GRPEL1: variants seen among roughly 807,000 people sequenced by gnomAD.
GRPEL1 encodes grpE protein homolog 1, mitochondrial.
In GRPEL1, 13 loss-of-function variants were observed where a neutral mutation model predicts 22.1. The observed-to-expected ratio is 0.59, with a 90% CI of 0.38 to 0.94. The LOEUF is 0.94. Among genes scored for constraint, GRPEL1 ranks in the 40% least tolerant of loss-of-function variants. The probability of loss-of-function intolerance (pLI) is 0.00; values close to 1 mark genes in which losing one functional copy is unlikely to be tolerated. For missense variants in GRPEL1, 289 were observed against 264.6 expected (o/e 1.09, Z -0.64); for synonymous variants, 109 against 105.3 (o/e 1.03, Z -0.21).
intron 1 of GRPEL1, chr4:7,064,464 A>T (rs1006422181): frequency 8.1e-5 from 26 of 321,194 alleles, no homozygotes; most frequent in African/African-American, 5.1e-4. Context: ...ACATATATAT[A>T]TTTTTTTAGA....
intron 2 of GRPEL1, among the ~76,000 whole-genome samples, chr4:7,062,868 C>T (rs750534621): frequency 2.9e-4 from 44 of 152,088 alleles, no homozygotes; most frequent in African/African-American, 9.9e-4. Context: ...GATTGGAAAA[C>T]GGCTGTGTAA....
rs150831240 is a variant in GRPEL1, at chr4:7,063,395, C to G, written c.225+666G>C. On this transcript the variant is annotated intron_variant, in intron 2 of 3. Transcript: ENST00000264954. ...GCCACTGCGCCCAGCTAGCTTTTCT[C>G]TTTTTAACATTTACTAAGTTGCTCT... Among the ~76,000 whole-genome samples, 1,472 of 152,284 alleles carry G rather than the reference C, an allele frequency of 9.7e-3. 11 individuals carry two copies. The highest frequency in any genetic ancestry group is 0.037 in the Middle Eastern group (11 of 294).
chr4:7,065,714 A>G (rs184299875), intron 1 of GRPEL1, among the ~76,000 whole-genome samples: 2 of 152,262 alleles, frequency 1.3e-5, no homozygotes, highest in African/African-American at 4.8e-5. Context: ...CTGCTTGGAC[A>G]AAGGCATGAA....
chr4:7,066,713 C>G (rs1173992160), intron 1 of GRPEL1, among the ~76,000 whole-genome samples: 1 of 152,202 alleles, frequency 6.6e-6, no homozygotes, highest in Non-Finnish European at 1.5e-5. Flanking sequence ...TTCCGAAGCA[C>G]AGCCAACACA....
intron 2 of GRPEL1, 40 bp from the exon 3 acceptor site, chr4:7,062,506 A>T (rs1414860075): frequency 5.1e-6 from 3 of 588,938 alleles, no homozygotes; most frequent in Non-Finnish European, 2.4e-6. Context: ...ATATATATAT[A>T]TATATATATC....
chr4:7,067,857 G>T, intron 1 of GRPEL1, 114 bp downstream of exon 1: 1 of 1,100,756 alleles, frequency 9.1e-7, no homozygotes, highest in Non-Finnish European at 1.3e-6. Flanking sequence ...CGAGCCCGGA[G>T]ATGCCCAGCT....
intron 2 of GRPEL1, 132 bp downstream of exon 2, chr4:7,063,929 C>A: frequency 2.0e-6 from 2 of 987,032 alleles, no homozygotes; most frequent in Non-Finnish European, 2.8e-6. Context: ...GCCACCTGGG[C>A]CCACTGCAGG....
intron 1 of GRPEL1, among the ~76,000 whole-genome samples, chr4:7,067,241 G>A (rs533012202): frequency 1.5e-5 from 2 of 137,630 alleles, no homozygotes; most frequent in South Asian, 5.1e-4. Flanking sequence ...TCAAAAAGCA[G>A]AAGGGGCAGA....
intron 1 of GRPEL1, among the ~76,000 whole-genome samples, chr4:7,066,639 G>C (rs1724175886): frequency 6.6e-6 from 1 of 152,240 alleles, no homozygotes; most frequent in Admixed American, 6.5e-5. Context: ...TTCCTCTCCA[G>C]TTGTTCTGCC....
At chr4:7,066,527 C>T (rs960910288) in intron 1 of GRPEL1, among the ~76,000 whole-genome samples, 4 of 152,124 alleles carry the variant, frequency 2.6e-5, no homozygotes, top group African/African-American at 7.2e-5. Context: ...TACAGTCTTG[C>T]CATGGGGGTG....
At position 7,067,802 on chromosome 4, in the gene GRPEL1, G is replaced by C. The variant is rs530191414; in HGVS notation, c.62+169C>G. 2.4e-3 allele frequency among the ~76,000 whole-genome samples: 364 copies of C among 152,348 alleles called. 1 individual carries two copies. The highest frequency in any genetic ancestry group is 8.1e-3 in the African/African-American group (336 of 41,598). On this transcript the variant is annotated intron_variant, in intron 1 of 3. Coordinates refer to ENST00000264954, the MANE Select transcript of GRPEL1 (RefSeq NM_025196.4). ...GCCCTGAGCTGGCAGCCTGGCAGCA[G>C]AGCAGGCCCCAGCGGGGCGGTCCGC...
In GRPEL1 at chr4:7,064,243, T is replaced by C; in HGVS notation, c.63-20A>G. On this transcript the variant is annotated intron_variant, in intron 1 of 3. Coordinates refer to ENST00000264954, the MANE Select transcript of GRPEL1 (RefSeq NM_025196.4). ...GATGGCCTACAGGGAAGTCCACACG[T>C]GAGAAACGAAGACTTAGTTTTTGTG... 1.3e-6 allele frequency: 2 copies of C among 1,594,838 alleles called. No individual in the cohort carries two copies. Among genetic ancestry groups the C allele is most frequent in the African/African-American group, 2.7e-5 (2 of 74,212 alleles).
rs1218227247 is a variant in GRPEL1, at chr4:7,059,265, A to C, written c.*1597T>G. 3 of 152,258 alleles carry C rather than the reference A, an allele frequency of 2.0e-5. No individual in the cohort carries two copies. The highest frequency in any genetic ancestry group is 4.4e-5 in the Non-Finnish European group (3 of 68,048). The allele number at this position is 152,258 out of a possible 1,614,324, so 9.4% of individuals were successfully genotyped here. A position where few individuals can be genotyped will look rare whatever the true frequency, so the allele number is the denominator to read the frequency against. On this transcript the variant is annotated 3_prime_UTR_variant, in exon 4 of 4. Coordinates refer to ENST00000264954, the MANE Select transcript of GRPEL1 (RefSeq NM_025196.4). Reference sequence around the variant, plus strand: ...ATGGATGACTGAAGCTTACTGTAAAAAAATATTTTGCTACTTAAGCTATAT... The same window carrying C: ...ATGGATGACTGAAGCTTACTGTAAACAAATATTTTGCTACTTAAGCTATAT...
At position 7,060,899 on chromosome 4, in the gene GRPEL1, A is replaced by G; in HGVS notation, c.617T>C (p.Leu206Pro). 6.2e-7 allele frequency: 1 copy of G among 1,614,058 alleles called. No homozygotes were observed. Among genetic ancestry groups the G allele is most frequent in the Non-Finnish European group, 8.5e-7 (1 of 1,179,942 alleles). The change falls in exon 4 of 4, where the codon CTG becomes CCG. Residue 206 changes from leucine (L) to proline (P), a missense_variant. Transcript: ENST00000264954. The stretch of plus-strand genomic sequence containing the variant: ...CACCACCCCCACCAGGGCGGGTCTC[A>G]GAGTGCGCCCATGCAGCTTGTACCC... ...KVGYKLHGRTLRPALVGVVKE... is the reference protein window; with the variant it reads ...KVGYKLHGRTPRPALVGVVKE...
chr4:7,066,031 T>G (rs1274978754), intron 1 of GRPEL1, among the ~76,000 whole-genome samples: 1 of 152,070 alleles, frequency 6.6e-6, no homozygotes, highest in South Asian at 2.1e-4. Flanking sequence ...TTTTTTTGTA[T>G]TTTTTTAGTA....
intron 1 of GRPEL1, 137 bp downstream of exon 1, chr4:7,067,834 C>A (rs765080163): frequency 2.1e-5 from 18 of 873,422 alleles, no homozygotes; most frequent in Non-Finnish European, 3.0e-5. Flanking sequence ...CCGCGTCCCG[C>A]GGCGGGGAAC....
chr4:7,062,849 A>T (rs961064865), intron 2 of GRPEL1, among the ~76,000 whole-genome samples: 6 of 152,146 alleles, frequency 3.9e-5, no homozygotes, highest in Non-Finnish European at 5.9e-5. Flanking sequence ...GTCATAGGAA[A>T]GCGAGCTTGA....
At chr4:7,066,978 A>G (rs1724183737) in intron 1 of GRPEL1, among the ~76,000 whole-genome samples, 1 of 152,220 alleles carries the variant, frequency 6.6e-6, no homozygotes, top group African/African-American at 2.4e-5. Context: ...TTTTTACTCA[A>G]GTATTCCACG....
At chr4:7,067,666 C>CA (rs1724204144) in intron 1 of GRPEL1, 1 of 434,502 alleles carries the variant, frequency 2.3e-6, no homozygotes, top group African/African-American at 2.1e-5. Flanking sequence ...GGCGTCGCCG[C>CA]AGGCCCTGGA....
Sources: gnomAD v4.1 joint callset for allele counts (sites outside exome capture counted in the v4.1 genomes callset) on GRCh38, gnomAD v4.1.1 for gene constraint, MANE v1.5 for transcripts, NCBI Gene and HGNC (gene_info 2026-07-23, HGNC 2026-07-21) for gene names.